The following STRN variants were observed in gnomAD, a reference collection of about 807,000 sequenced individuals.
STRN encodes the protein protein phosphatase 2 regulatory subunit B'''alpha.
A neutral mutation model predicts 96.3 loss-of-function variants in STRN; 53 were observed. The ratio of observed to expected loss-of-function variants is 0.55; its 90% CI spans 0.44 to 0.69. STRN has a LOEUF of 0.69. Among genes scored for constraint, STRN ranks in the 30% least tolerant of loss-of-function variants. The pLI is 0.00. For synonymous variants in STRN, 428 were observed against 355.9 expected (o/e 1.20, Z -2.28); for missense variants, 987 against 963.9 (o/e 1.02, Z -0.32).
chr2:36,876,784 G>A (rs1366430353), intron 10 of STRN, among the ~76,000 whole-genome samples: 1 of 148,606 alleles, frequency 6.7e-6, no homozygotes, highest in Non-Finnish European at 1.5e-5. Flanking sequence ...GTCTTGCTCT[G>A]TCGCCCAGGC....
intron 6 of STRN, 98 bp downstream of exon 6, chr2:36,899,425 T>C: frequency 2.6e-6 from 3 of 1,150,116 alleles, no homozygotes; most frequent in South Asian, 3.3e-5. Flanking sequence ...AAGAAAAAGC[T>C]ACGGGTTAAG....
At chr2:36,951,298 T>C (rs1664747305) in intron 1 of STRN, among the ~76,000 whole-genome samples, 1 of 152,200 alleles carries the variant, frequency 6.6e-6, no homozygotes, top group Non-Finnish European at 1.5e-5. Flanking sequence ...ACAACTAGCA[T>C]CAAGTAGCAA....
intron 1 of STRN, among the ~76,000 whole-genome samples, chr2:36,961,632 TC>T (rs1385096331): frequency 6.6e-6 from 1 of 152,186 alleles, no homozygotes; most frequent in Non-Finnish European, 1.5e-5. Context: ...TCCTAACTAG[TC>T]CCCCTGCTGC....
chr2:36,894,052 A>C lies in STRN; in HGVS notation c.796-19T>G, dbSNP rs1572654641. ...TAACAATCTAATGAAAAAACATGCT[A>C]AATTAAATAAAGGAGATAGTTTCCC... On this transcript the variant is annotated intron_variant, in intron 6 of 17. Coordinates refer to ENST00000263918, the MANE Select transcript of STRN (RefSeq NM_003162.4). 8 of 1,604,040 alleles carry C rather than the reference A, an allele frequency of 5.0e-6. No homozygotes were observed. The African/African-American group carries it at 6.7e-5, about 13-fold the overall frequency.
At chr2:36,852,048 A>C (rs1047188838) in intron 15 of STRN, among the ~76,000 whole-genome samples, 1 of 152,222 alleles carries the variant, frequency 6.6e-6, no homozygotes, top group Non-Finnish European at 1.5e-5. Flanking sequence ...AGGTTCAGAA[A>C]AAGTTGTGAC....
chr2:36,867,810 T>G lies in STRN; in HGVS notation c.1547+4A>C. 6.4e-7 allele frequency: 1 copy of G among 1,557,232 alleles called. No homozygotes were observed. On this transcript the variant is annotated splice_donor_region_variant and intron_variant, in intron 12 of 17. Coordinates refer to ENST00000263918, the MANE Select transcript of STRN (RefSeq NM_003162.4). ...TTTAAAATAAAGAAAAAACATATAC[T>G]TACTTATGGGCTCTGAATGTATAGA...
chr2:36,943,778 T>C (rs1572692398), intron 1 of STRN, among the ~76,000 whole-genome samples: 1 of 151,004 alleles, frequency 6.6e-6, no homozygotes, highest in Non-Finnish European at 1.5e-5. Flanking sequence ...CACTCCAGCA[T>C]GGACGACAGA....
At chr2:36,887,470 CA>C (rs545194297) in intron 7 of STRN, among the ~76,000 whole-genome samples, 2 of 146,340 alleles carry the variant, frequency 1.4e-5, no homozygotes, top group East Asian at 2.0e-4. Flanking sequence ...AACTCTGTCT[CA>C]AAAAAAAACA....
intron 2 of STRN, among the ~76,000 whole-genome samples, chr2:36,916,890 A>G (rs1434628111): frequency 6.6e-6 from 1 of 152,240 alleles, no homozygotes; most frequent in South Asian, 2.1e-4. Flanking sequence ...CAGATAATGT[A>G]GAAATTTTTA....
chr2:36,949,726 G>A (rs1261112503), intron 1 of STRN, among the ~76,000 whole-genome samples: 1 of 152,172 alleles, frequency 6.6e-6, no homozygotes, highest in African/African-American at 2.4e-5. Flanking sequence ...TGAGGAAAAG[G>A]GTCAACTGGG....
At chr2:36,860,300 C>T (rs1668443422) in intron 13 of STRN, among the ~76,000 whole-genome samples, 1 of 152,120 alleles carries the variant, frequency 6.6e-6, no homozygotes, top group African/African-American at 2.4e-5. Flanking sequence ...ACAGTTGATC[C>T]TCTGGCAGAG....
chr2:36,956,090 A>G (rs1045049114), intron 1 of STRN, among the ~76,000 whole-genome samples: 1 of 152,142 alleles, frequency 6.6e-6, no homozygotes, highest in African/African-American at 2.4e-5. Flanking sequence ...GGGTTTTTGG[A>G]TTAGGGATGC....
rs114114311 is a variant in STRN at position 36,873,985 on chromosome 2, G to C, written c.1323+3906C>G. 5.1e-3 allele frequency among the ~76,000 whole-genome samples: 773 copies of C among 150,930 alleles called. 6 individuals carry two copies. Among genetic ancestry groups the C allele is most frequent in the African/African-American group, 0.017 (716 of 41,066 alleles). On this transcript the variant is annotated intron_variant, in intron 10 of 17. Coordinates refer to ENST00000263918, the MANE Select transcript of STRN (RefSeq NM_003162.4). Reference sequence around the variant, plus strand: ...AAGAAGCAAAAACCAGCCAGATGCTGTGGCTCACACCTATAATCCCAGCAC... The same window carrying C: ...AAGAAGCAAAAACCAGCCAGATGCTCTGGCTCACACCTATAATCCCAGCAC...
At chr2:36,869,213 A>C (rs939114042) in intron 11 of STRN, among the ~76,000 whole-genome samples, 6 of 152,208 alleles carry the variant, frequency 3.9e-5, no homozygotes, top group African/African-American at 1.2e-4. Flanking sequence ...TGATTATTTT[A>C]AAGATGCATA....
intron 3 of STRN, 31 bp from the exon 4 acceptor site, chr2:36,905,649 C>CTTAA: frequency 2.5e-6 from 4 of 1,588,724 alleles, no homozygotes; most frequent in Non-Finnish European, 3.5e-6. Flanking sequence ...ATAAAACTGA[C>CTTAA]TTGTTTTACG....
chr2:36,944,038 T>G lies in STRN; in HGVS notation c.235-18830A>C, dbSNP rs182245436. The stretch of plus-strand genomic sequence containing the variant: ...GGGAGGCTGGGGCAGGAGAATTGCT[T>G]GAACTCAGGAGGCAGAGGTTTCAGT... On this transcript the variant is annotated intron_variant, in intron 1 of 17. Coordinates refer to ENST00000263918, the MANE Select transcript of STRN (RefSeq NM_003162.4). Among the ~76,000 whole-genome samples the G allele has an allele frequency of 7.2e-3, 1,103 of 152,232 alleles. 10 individuals are homozygous for G. Among genetic ancestry groups the G allele is most frequent in the Admixed American group, 0.013 (203 of 15,290 alleles).
intron 1 of STRN, among the ~76,000 whole-genome samples, chr2:36,960,863 C>G (rs1478503362): frequency 1.3e-5 from 2 of 151,848 alleles, no homozygotes; most frequent in African/African-American, 2.4e-5. Flanking sequence ...GCTGCTCATT[C>G]TCTCTATATC....
At chr2:36,911,652 C>T (rs1339746963) in intron 3 of STRN, among the ~76,000 whole-genome samples, 3 of 152,202 alleles carry the variant, frequency 2.0e-5, no homozygotes, top group African/African-American at 7.2e-5. Flanking sequence ...TTAATTCACC[C>T]ATTAGCCAGC....
chr2:36,882,097 C>A (rs1023601378), intron 9 of STRN, among the ~76,000 whole-genome samples: 3 of 151,734 alleles, frequency 2.0e-5, no homozygotes, highest in Non-Finnish European at 2.9e-5. Flanking sequence ...ATGTACTGGT[C>A]AAAAATTTCA....
Sources: gnomAD v4.1 joint callset for allele counts (sites outside exome capture counted in the v4.1 genomes callset) on GRCh38, gnomAD v4.1.1 for gene constraint, MANE v1.5 for transcripts, NCBI Gene and HGNC (gene_info 2026-07-23, HGNC 2026-07-21) for gene names.